Variants in ZNF467 observed in about 807,000 individuals in gnomAD.
The protein encoded by ZNF467 is zinc finger protein EZI.
In ZNF467, 51 loss-of-function variants were observed where a neutral mutation model predicts 47.8. That is an observed-to-expected ratio of 1.07 (90% CI 0.85 to 1.35). The LOEUF is 1.35. Ranked by LOEUF, ZNF467 falls within the 40% of genes most tolerant of loss-of-function variation. The pLI is 0.00. For missense variants in ZNF467, 992 were observed against 858.1 expected (o/e 1.16, Z -1.95); for synonymous variants, 416 against 372.9 (o/e 1.12, Z -1.33).
chr7:149,769,059 C>A lies in ZNF467; in HGVS notation c.262+31G>T. Reference sequence around the variant, plus strand: ...GGGCCCCGTTCCCTTGGCCTGAGCCCGTGGTGGGATGAAGTGATGGGAAGA... The same window carrying A: ...GGGCCCCGTTCCCTTGGCCTGAGCCAGTGGTGGGATGAAGTGATGGGAAGA... On this transcript the variant is annotated intron_variant, in intron 4 of 4. Transcript: ENST00000302017. This position sits in a 1 kb window ranked among gnomAD's most constrained non-coding sequence, Gnocchi z 5.3. The A allele has an allele frequency of 6.6e-7, 1 of 1,516,770 alleles. No individual in the cohort carries two copies. The highest frequency in any genetic ancestry group is 8.9e-7 in the Non-Finnish European group (1 of 1,129,398). 94.0% of individuals were successfully genotyped at this position (1,516,770 alleles called of 1,614,324 possible). A position where few individuals can be genotyped will look rare whatever the true frequency, so the allele number is the denominator to read the frequency against.
chr7:149,775,020 G>A (rs985592920), upstream of ZNF467, among the ~76,000 whole-genome samples: 1 of 152,198 alleles, frequency 6.6e-6, no homozygotes, highest in Non-Finnish European at 1.5e-5. Context: ...TGTGCTCAGA[G>A]CTCTGCTGGG....
Position 149,765,894 on chromosome 7 carries a change from A to G in ZNF467, c.608T>C (p.Met203Thr). The change falls in exon 5 of 5, where the codon ATG becomes ACG. Residue 203 changes from methionine (M) to threonine (T), a missense_variant. Physicochemically the swap from Met to Thr is moderately conservative, Grantham distance 81. Coordinates refer to ENST00000302017, the MANE Select transcript of ZNF467 (RefSeq NM_207336.3). ...CGRSFTQRAHMLLHQRSHRGE... is the reference protein window; with the variant it reads ...CGRSFTQRAHTLLHQRSHRGE... ...GCGGTGGCTGCGCTGATGCAGTAGCATGTGGGCGCGCTGCGTGAAGCTGCG... is the reference window on the plus strand; with the variant it reads ...GCGGTGGCTGCGCTGATGCAGTAGCGTGTGGGCGCGCTGCGTGAAGCTGCG... 1 of 1,583,070 alleles carries G rather than the reference A, an allele frequency of 6.3e-7. No homozygotes were observed. The highest frequency in any genetic ancestry group is 8.6e-7 in the Non-Finnish European group (1 of 1,165,438).
rs762289040 is a variant in ZNF467 at position 149,765,794 on chromosome 7, G to T, written c.708C>A (p.Arg236=). 1 of 1,611,348 alleles carries T rather than the reference G, an allele frequency of 6.2e-7. No individual in the cohort carries two copies. Among genetic ancestry groups the T allele is most frequent in the Non-Finnish European group, 8.5e-7 (1 of 1,178,948 alleles). ...GGTAGGGCCGCTCGCCCGTGTGCGT[G>T]CGCAGGTGGCGGGTCAGATGGGCCT... The part of the protein sequence containing the change: ...SKKAHLTRHL[R]THTGERPYPC... Residue 236 remains arginine, a synonymous_variant, in exon 5 of 5, where the codon CGC becomes CGA. Transcript: ENST00000302017.
Position 149,765,664 on chromosome 7 carries a change from G to C in ZNF467, c.838C>G (p.Arg280Gly), listed in dbSNP as rs1429171937. 1 of 1,612,378 alleles carries C rather than the reference G, an allele frequency of 6.2e-7. No individual in the cohort carries two copies. The highest frequency in any genetic ancestry group is 1.1e-5 in the South Asian group (1 of 90,850). ...RPFPCTECEKRFRKKTHLIRH... is the reference protein window; with the variant it reads ...RPFPCTECEKGFRKKTHLIRH... The stretch of plus-strand genomic sequence containing the variant: ...ATCAAGTGCGTCTTCTTGCGAAAGC[G>C]CTTCTCGCATTCCGTGCAGGGGAAG... The change falls in exon 5 of 5, where the codon CGC becomes GGC. Residue 280 changes from arginine to glycine, a missense_variant. Transcript: ENST00000302017.
upstream of ZNF467, chr7:149,776,202 AC>A (rs1474392161): frequency 1.0e-5 from 6 of 598,088 alleles, no homozygotes; most frequent in Non-Finnish European, 1.3e-5. Flanking sequence ...TCCTCCCTCC[AC>A]CCCCGCCACT....
Position 149,769,543 on chromosome 7 carries a change from C to T in ZNF467, c.152-343G>A, listed in dbSNP as rs1019207202. On this transcript the variant is annotated intron_variant, in intron 3 of 4. Coordinates refer to ENST00000302017, the MANE Select transcript of ZNF467 (RefSeq NM_207336.3). This position sits in a 1 kb window ranked among gnomAD's most constrained non-coding sequence, Gnocchi z 5.3. ...AGGAGAAGGGCTGGGGACTTCCCAGCCCCCAGATGGACCCTGGTTCCAAGC... is the reference window on the plus strand; with the variant it reads ...AGGAGAAGGGCTGGGGACTTCCCAGTCCCCAGATGGACCCTGGTTCCAAGC... Among the ~76,000 whole-genome samples, 1 of 152,164 alleles carries T rather than the reference C, an allele frequency of 6.6e-6. No individual in the cohort carries two copies. The highest frequency in any genetic ancestry group is 1.5e-5 in the Non-Finnish European group (1 of 68,028).
At chr7:149,776,525 A>G (rs117048984), upstream of ZNF467, 47,444 of 1,304,828 alleles carry the variant, frequency 0.036, 957 homozygotes, top group Middle Eastern at 0.045. Context: ...TGTCCTATCT[A>G]CAAGTGAGTA....
In ZNF467 at chr7:149,764,647, C is replaced by T. The variant is rs1354829209; in HGVS notation, c.*67G>A. On this transcript the variant is annotated 3_prime_UTR_variant, in exon 5 of 5. Coordinates refer to ENST00000302017, the MANE Select transcript of ZNF467 (RefSeq NM_207336.3). The stretch of plus-strand genomic sequence containing the variant: ...AGCAGCCCAGGTCGCCTTGCTCACC[C>T]CAGGCGGTCTCATGGCACGGGCCTC... The T allele has an allele frequency of 6.4e-7, 1 of 1,555,694 alleles. No individual in the cohort carries two copies. Among genetic ancestry groups the T allele is most frequent in the Admixed American group, 1.9e-5 (1 of 52,040 alleles).
At chr7:149,774,938 AG>A (rs1286891422), upstream of ZNF467, among the ~76,000 whole-genome samples, 1 of 152,034 alleles carries the variant, frequency 6.6e-6, no homozygotes, top group Admixed American at 6.5e-5. This position sits in a 1 kb window ranked among gnomAD's most constrained non-coding sequence, Gnocchi z 5.7. Context: ...GGATACTCGG[AG>A]GGATATCAGG....
chr7:149,764,714 TC>T lies in ZNF467; in HGVS notation c.1787del (p.Ter596=), dbSNP rs758725964. The T allele has an allele frequency of 5.1e-6, 8 of 1,574,044 alleles. No individual in the cohort carries two copies. Among genetic ancestry groups the T allele is most frequent in the Non-Finnish European group, 6.9e-6 (8 of 1,156,014 alleles). The stretch of plus-strand genomic sequence containing the variant: ...GAAAGGGTCCTCGTGAGAACTAGGC[TC>T]AGAAGAAGAGCGGGGGCGGCGCCAC... The part of the protein sequence containing the change: ...PEVAPPPLFF[*>X] On this transcript the variant is annotated frameshift_variant and stop_lost, in exon 5 of 5. Transcript: ENST00000302017. LOFTEE classifies it high-confidence loss of function.
chr7:149,770,853 C>T (rs1318940828), intron 2 of ZNF467, 146 bp downstream of exon 2: 3 of 951,936 alleles, frequency 3.2e-6, no homozygotes, highest in Non-Finnish European at 3.3e-6. Context: ...ATTCAGACAC[C>T]CCGTGCTACA....
Position 149,764,700 on chromosome 7 carries a change from C to T in ZNF467, c.*14G>A, listed in dbSNP as rs772470092. 1 of 1,583,048 alleles carries T rather than the reference C, an allele frequency of 6.3e-7. No individual in the cohort carries two copies. Among genetic ancestry groups the T allele is most frequent in the Non-Finnish European group, 8.6e-7 (1 of 1,161,354 alleles). On this transcript the variant is annotated 3_prime_UTR_variant, in exon 5 of 5. Coordinates refer to ENST00000302017, the MANE Select transcript of ZNF467 (RefSeq NM_207336.3). The stretch of plus-strand genomic sequence containing the variant: ...GAAACTGTGGGCAAGAAAGGGTCCT[C>T]GTGAGAACTAGGCTCAGAAGAAGAG...
In ZNF467 at chr7:149,770,539, G is replaced by A. The variant is rs758884747; in HGVS notation, c.52C>T (p.Pro18Ser). Residue 18 changes from proline to serine, a missense_variant, in exon 3 of 5, where the codon CCA becomes TCA. By Grantham distance (74) the Pro-to-Ser change is moderately conservative (BLOSUM62 -1). Coordinates refer to ENST00000302017, the MANE Select transcript of ZNF467 (RefSeq NM_207336.3). ...LSSLGFSVGQPEMAPQSEPRE... is the reference protein window; with the variant it reads ...LSSLGFSVGQSEMAPQSEPRE... ...GGCTCACTTTGGGGGGCCATCTCTG[G>A]CTGTCCCACAGAGAATCCTGTTACA... The A allele has an allele frequency of 3.1e-6, 5 of 1,613,118 alleles. No homozygotes were observed. The highest frequency in any genetic ancestry group is 4.2e-6 in the Non-Finnish European group (5 of 1,179,522).
In ZNF467 at chr7:149,764,320, AGTC is replaced by A; in HGVS notation, c.*391_*393del. ...TGGAGGTGGGACAGTGGCTAAGGAG[AGTC>A]AGGTGTTCCCTCCCCCAATTCATTT... On this transcript the variant is annotated 3_prime_UTR_variant, in exon 5 of 5. Coordinates refer to ENST00000302017, the MANE Select transcript of ZNF467 (RefSeq NM_207336.3). The A allele has an allele frequency of 1.1e-5, 6 of 524,700 alleles. No homozygotes were observed. Among genetic ancestry groups the A allele is most frequent in the Admixed American group, 3.7e-5 (1 of 27,316 alleles). The allele number at this position is 524,700 out of a possible 1,614,324, so 32.5% of individuals were successfully genotyped here. A position where few individuals can be genotyped will look rare whatever the true frequency, so the allele number is the denominator to read the frequency against.
At chr7:149,775,419 T>C (rs709063), upstream of ZNF467, among the ~76,000 whole-genome samples, 137,200 of 152,260 alleles carry the variant, frequency 0.9, 62,017 homozygotes, top group African/African-American at 0.97. Flanking sequence ...CAGGGGAGCA[T>C]CATCCAGGCA....
At chr7:149,771,167 A>G (rs1406587302) in intron 1 of ZNF467, 93 bp from the exon 2 acceptor site, 6 of 1,032,098 alleles carry the variant, frequency 5.8e-6, no homozygotes, top group African/African-American at 3.2e-5. Flanking sequence ...GGGCTCTTCC[A>G]GGAGCTCCAA....
In ZNF467 at chr7:149,765,572, C is replaced by A; in HGVS notation, c.930G>T (p.Thr310=). 1 of 1,589,986 alleles carries A rather than the reference C, an allele frequency of 6.3e-7. No homozygotes were observed. Among genetic ancestry groups the A allele is most frequent in the Non-Finnish European group, 8.6e-7 (1 of 1,168,152 alleles). ...GGTGCCGCACCAAGTGCTGCTTGTG[C>A]GTGAAGCTGCGTGCGCACTGTGCGC... ...YQCAQCARSF[T]HKQHLVRHQR... is the part of the protein sequence containing the mutation. Residue 310 remains threonine, a synonymous_variant, in exon 5 of 5, where the codon ACG becomes ACT. Transcript: ENST00000302017.
Position 149,765,821 on chromosome 7 carries a change from C to G in ZNF467, c.681G>C (p.Lys227Asn), listed in dbSNP as rs143247210. 70 of 1,610,084 alleles carry G rather than the reference C, an allele frequency of 4.3e-5. No individual in the cohort carries two copies. The highest frequency in any genetic ancestry group is 5.7e-5 in the Non-Finnish European group (67 of 1,178,532). Reference protein sequence around the residue: ...PCSECDKRFSKKAHLTRHLRT... With the variant: ...PCSECDKRFSNKAHLTRHLRT... ...GCAGGTGGCGGGTCAGATGGGCCTTCTTGCTGAAGCGCTTGTCGCACTCGG... is the reference window on the plus strand; with the variant it reads ...GCAGGTGGCGGGTCAGATGGGCCTTGTTGCTGAAGCGCTTGTCGCACTCGG... Residue 227 changes from lysine (K) to asparagine (N), a missense_variant, in exon 5 of 5, where the codon AAG becomes AAC. Lys to Asn is a moderately conservative substitution (Grantham distance 94, BLOSUM62 0). Transcript: ENST00000302017.
At position 149,765,802 on chromosome 7, in the gene ZNF467, G is replaced by A; in HGVS notation, c.700C>T (p.His234Tyr). The change falls in exon 5 of 5, where the codon CAC (histidine) becomes TAC (tyrosine). Residue 234 changes from histidine to tyrosine, a missense_variant. By Grantham distance (83) the His-to-Tyr change is moderately conservative. Coordinates refer to ENST00000302017, the MANE Select transcript of ZNF467 (RefSeq NM_207336.3). ...CGCTCGCCCGTGTGCGTGCGCAGGT[G>A]GCGGGTCAGATGGGCCTTCTTGCTG... Reference protein sequence around the residue: ...RFSKKAHLTRHLRTHTGERPY... With the variant: ...RFSKKAHLTRYLRTHTGERPY... The A allele has an allele frequency of 6.2e-7, 1 of 1,611,248 alleles. No homozygotes were observed. The highest frequency in any genetic ancestry group is 8.5e-7 in the Non-Finnish European group (1 of 1,178,936).
Sources: allele counts gnomAD v4.1 joint callset (sites outside exome capture counted in the v4.1 genomes callset), GRCh38; gene constraint gnomAD v4.1.1; non-coding constraint Gnocchi (gnomAD v3.1); transcripts MANE v1.5; gene names NCBI Gene and HGNC (gene_info 2026-07-23, HGNC 2026-07-21).